The following DMD variants were observed in gnomAD, a reference collection of about 807,000 sequenced individuals.
DMD encodes the protein dystrophin.
DMD carries 63 observed loss-of-function variants against 330.1 expected under a neutral mutation model. The observed-to-expected ratio is 0.19, with a 90% confidence interval of 0.16 to 0.24. The LOEUF (loss-of-function observed/expected upper bound fraction) is 0.24. DMD is among the 10% of genes least tolerant of loss of function. DMD has a pLI of 1.00. For missense variants in DMD, 3,344 were observed against 2,684.1 expected, an observed-to-expected ratio of 1.25 and a Z score of -5.43; for synonymous variants, 1,223 against 959.8, an observed-to-expected ratio of 1.27 and a Z score of -5.07.
chrX:31,552,478 C>T (rs2074544252), intron 55 of DMD, among the ~76,000 whole-genome samples: 1 of 111,858 alleles, frequency 8.9e-6, no homozygotes, highest in Admixed American at 9.5e-5. Flanking sequence ...TGGCCCAGAG[C>T]TGCTTCTTAC....
chrX:32,686,839 G>T (rs1044746655), intron 9 of DMD, among the ~76,000 whole-genome samples: 1 of 110,971 alleles, frequency 9.0e-6, no homozygotes, highest in African/African-American at 3.3e-5. Flanking sequence ...AAATGTGACA[G>T]TGTGATGAAT....
chrX:32,998,187 C>T (rs1238598047), intron 2 of DMD, among the ~76,000 whole-genome samples: 2 of 107,818 alleles, frequency 1.9e-5, no homozygotes, highest in Non-Finnish European at 3.8e-5. Flanking sequence ...ATAGCAAGAC[C>T]CTCATTTCTC....
rs1442254331 is a variant in DMD, at chrX:31,702,546, T to G, written c.7661-22960A>C. Among the ~76,000 whole-genome samples, 7 of 111,899 alleles carry G rather than the reference T, an allele frequency of 6.3e-5. No individual in the cohort carries two copies. The South Asian group carries it at 1.9e-3, about 30-fold the overall frequency. ...CGAGTCACTTCTCCTTAATAGCTCT[T>G]CTGGCCTCTATATCATTCATCTCTC... On this transcript the variant is annotated intron_variant, in intron 52 of 78. Transcript: ENST00000357033.
intron 55 of DMD, among the ~76,000 whole-genome samples, chrX:31,546,658 T>C (rs1335570452): frequency 8.9e-6 from 1 of 112,215 alleles, no homozygotes; most frequent in African/African-American, 3.2e-5. Flanking sequence ...CTTGAAGACT[T>C]GAATACCAAT....
rs1257367890 is a variant in DMD at position 32,645,021 on chromosome X, T to C, written c.1092A>G (p.Ala364=). The C allele has an allele frequency of 8.3e-7, 1 of 1,211,809 alleles. No individual in the cohort carries two copies. Among genetic ancestry groups the C allele is most frequent in the Admixed American group, 2.2e-5 (1 of 45,995 alleles). The change falls in exon 10 of 79, where the codon GCA becomes GCG. Residue 364 remains alanine (A), a synonymous_variant. Transcript: ENST00000357033. ...CCACATCATTAGAAATCTCTCCTTG[T>C]GCTTGCAATGTGTCCTCAGCAGAAA... ...WLLSAEDTLQ[A]QGEISNDVEV...
chrX:31,435,933 T>C (rs2064487911), intron 60 of DMD, among the ~76,000 whole-genome samples: 1 of 111,015 alleles, frequency 9.0e-6, no homozygotes. Context: ...GAACAAAGAA[T>C]AAAGCAGTGA....
At chrX:33,013,851 G>A (rs1166897907) in intron 2 of DMD, among the ~76,000 whole-genome samples, 2 of 112,379 alleles carry the variant, frequency 1.8e-5, no homozygotes, top group Admixed American at 9.4e-5. Flanking sequence ...ACGCGCGTGT[G>A]TGTGTTTGTG....
intron 60 of DMD, among the ~76,000 whole-genome samples, chrX:31,391,398 C>T (rs756399443): frequency 9.0e-6 from 1 of 110,900 alleles, no homozygotes; most frequent in African/African-American, 3.3e-5. Context: ...TGAGCCACTG[C>T]GCCTGGAGCA....
At chrX:32,283,491 G>A (rs904649973) in intron 43 of DMD, among the ~76,000 whole-genome samples, 8 of 111,928 alleles carry the variant, frequency 7.1e-5, no homozygotes, top group African/African-American at 2.6e-4. Flanking sequence ...TGTGTATTCA[G>A]GAATGCATAG....
At chrX:31,427,991 G>A (rs2063807730) in intron 60 of DMD, among the ~76,000 whole-genome samples, 1 of 112,231 alleles carries the variant, frequency 8.9e-6, no homozygotes, top group East Asian at 2.8e-4. Context: ...TGTGGTGTCT[G>A]CTACTTAGAT....
intron 71 of DMD, among the ~76,000 whole-genome samples, chrX:31,175,495 A>C (rs1051507808): frequency 1.8e-5 from 2 of 111,301 alleles, no homozygotes; most frequent in African/African-American, 6.5e-5. Context: ...GAAATCTTAA[A>C]AAATATACAC....
intron 42 of DMD, among the ~76,000 whole-genome samples, chrX:32,303,319 T>G: frequency 9.0e-6 from 1 of 111,223 alleles, no homozygotes; most frequent in Non-Finnish European, 1.9e-5. Flanking sequence ...ATTCAACAGA[T>G]GTACATTCAG....
intron 2 of DMD, among the ~76,000 whole-genome samples, chrX:32,896,121 ATGTGC>A (rs1327691713): frequency 9.0e-6 from 1 of 111,240 alleles, no homozygotes; most frequent in African/African-American, 3.3e-5. Flanking sequence ...AAAGAATTAG[ATGTGC>A]TGTGCCCTGA....
intron 1 of DMD, among the ~76,000 whole-genome samples, chrX:33,168,468 T>A (rs2049170861): frequency 9.2e-6 from 1 of 108,953 alleles, no homozygotes; most frequent in African/African-American, 3.3e-5. Context: ...ATTCCTGATA[T>A]ATAGCTTTTT....
At chrX:31,907,566 T>C (rs757065380) in intron 47 of DMD, among the ~76,000 whole-genome samples, 1 of 111,698 alleles carries the variant, frequency 9.0e-6, no homozygotes, top group Non-Finnish European at 1.9e-5. Context: ...AATTAATTAA[T>C]TCAAGATGGA....
intron 63 of DMD, among the ~76,000 whole-genome samples, chrX:31,236,030 T>C (rs1036290633): frequency 3.6e-5 from 4 of 112,244 alleles, no homozygotes; most frequent in Non-Finnish European, 5.6e-5. Context: ...TTTTGGCCAA[T>C]GCTTGAGAAG....
At chrX:31,371,787 T>C (rs1198736041) in intron 60 of DMD, among the ~76,000 whole-genome samples, 1 of 111,945 alleles carries the variant, frequency 8.9e-6, no homozygotes, top group Non-Finnish European at 1.9e-5. Flanking sequence ...TGATAATGGA[T>C]GTATTTGAAC....
chrX:32,374,871 A>G (rs977121541), intron 34 of DMD, among the ~76,000 whole-genome samples: 1 of 111,950 alleles, frequency 8.9e-6, no homozygotes, highest in African/African-American at 3.2e-5. Flanking sequence ...CTGAATCTAA[A>G]GTAATTTTAA....
rs189567604 is a variant in DMD at position 32,836,629 on chromosome X, A to C, written c.264+8154T>G. 8.1e-3 allele frequency among the ~76,000 whole-genome samples: 904 copies of C among 111,826 alleles called. 9 individuals are homozygous for C. The highest frequency in any genetic ancestry group is 0.028 in the African/African-American group (852 of 30,784). On this transcript the variant is annotated intron_variant, in intron 4 of 78. Coordinates refer to ENST00000357033, the MANE Select transcript of DMD (RefSeq NM_004006.3). ...TCAATTTATCTTTTTAATGAAGATCAAAATCAAAGACAAAAATTCAAACTC... is the reference window on the plus strand; with the variant it reads ...TCAATTTATCTTTTTAATGAAGATCCAAATCAAAGACAAAAATTCAAACTC...
Sources: gnomAD v4.1 joint callset for allele counts (sites outside exome capture counted in the v4.1 genomes callset) on GRCh38, gnomAD v4.1.1 for gene constraint, MANE v1.5 for transcripts, NCBI Gene and HGNC (gene_info 2026-07-23, HGNC 2026-07-21) for gene names.